ERP44: variants seen among roughly 807,000 people sequenced by gnomAD.
ERP44 encodes the protein endoplasmic reticulum resident protein 44.
ERP44 carries 25 observed loss-of-function variants against 53.4 expected under a neutral mutation model. That is an observed-to-expected ratio of 0.47 (90% confidence interval 0.34 to 0.65). The LOEUF (loss-of-function observed/expected upper bound fraction) is 0.65. Ranked by LOEUF, ERP44 falls within the 30% of genes least tolerant of loss-of-function variation. The probability of loss-of-function intolerance (pLI) is 0.01; values close to 1 mark genes in which losing one functional copy is unlikely to be tolerated. For missense variants in ERP44, 338 were observed against 493.2 expected (o/e 0.69, Z 2.98); for synonymous variants, 145 against 161.2 (o/e 0.90, Z 0.76).
chr9:100,045,256 T>A (rs76765237), intron 4 of ERP44, among the ~76,000 whole-genome samples: 2,318 of 152,308 alleles, frequency 0.015, 47 homozygotes, highest in Non-Finnish European at 0.019. Flanking sequence ...TCACTTTTTT[T>A]AATCATTTCC....
At chr9:100,008,399 C>A (rs1406613) in intron 8 of ERP44, among the ~76,000 whole-genome samples, 101,637 of 151,972 alleles carry the variant, frequency 0.67, 35,045 homozygotes, top group East Asian at 0.91. Context: ...TTGGAGAATA[C>A]TACAATGGGT....
chr9:99,992,221 G>C (rs899834613), intron 10 of ERP44, among the ~76,000 whole-genome samples: 18 of 152,100 alleles, frequency 1.2e-4, no homozygotes, highest in African/African-American at 4.3e-4. Flanking sequence ...CAAAAAAAGA[G>C]AATTTAGACC....
chr9:100,050,711 T>C (rs1826027966), intron 4 of ERP44, among the ~76,000 whole-genome samples: 1 of 152,190 alleles, frequency 6.6e-6, no homozygotes, highest in Admixed American at 6.5e-5. Context: ...GCATAATACC[T>C]CAGATAACTT....
At chr9:100,017,018 T>G (rs1026729912) in intron 7 of ERP44, among the ~76,000 whole-genome samples, 12 of 152,204 alleles carry the variant, frequency 7.9e-5, no homozygotes, top group African/African-American at 2.9e-4. Context: ...ATTTCTTCTT[T>G]TAGAAGAAAA....
In ERP44 at chr9:99,981,624, G is replaced by A. The variant is rs1230433374; in HGVS notation, c.*988C>T. ...ACAGGGACCCATCTTACTGTATGCTGCAGGCCTGGGGAAATCAGGGAATCT... is the reference window on the plus strand; with the variant it reads ...ACAGGGACCCATCTTACTGTATGCTACAGGCCTGGGGAAATCAGGGAATCT... On this transcript the variant is annotated 3_prime_UTR_variant, in exon 12 of 12. Transcript: ENST00000262455. The A allele has an allele frequency of 6.6e-6, 1 of 152,602 alleles. No homozygotes were observed. The highest frequency in any genetic ancestry group is 6.5e-5 in the Admixed American group (1 of 15,268). The allele number at this position is 152,602 out of a possible 1,614,324, so 9.5% of individuals were successfully genotyped here.
Position 99,980,642 on chromosome 9 carries a change from T to C in ERP44, c.*1970A>G, listed in dbSNP as rs1358360136. 6.6e-6 allele frequency: 1 copy of C among 152,208 alleles called. No individual in the cohort carries two copies. Among genetic ancestry groups the C allele is most frequent in the Non-Finnish European group, 1.5e-5 (1 of 68,032 alleles). 9.4% of individuals were successfully genotyped at this position (152,208 alleles called of 1,614,324 possible). The stretch of plus-strand genomic sequence containing the variant: ...TCTCATTCATTAAATAAACGCCTGA[T>C]GGTGACTACTAAGTGTCCAGAAATT... On this transcript the variant is annotated 3_prime_UTR_variant, in exon 12 of 12. Coordinates refer to ENST00000262455, the MANE Select transcript of ERP44 (RefSeq NM_015051.3).
rs74985169 is a variant in ERP44 at position 100,018,773 on chromosome 9, A to G, written c.588-460T>C. Among the ~76,000 whole-genome samples the G allele has an allele frequency of 2.1e-3, 315 of 152,342 alleles. 2 individuals carry two copies. The highest frequency in any genetic ancestry group is 7.2e-3 in the African/African-American group (300 of 41,572). On this transcript the variant is annotated intron_variant, in intron 6 of 11. Transcript: ENST00000262455. ...ATAAACATTTGTAGAGTACTACAACAAATTATTTTTGTAATCAATTTTTAG... is the reference window on the plus strand; with the variant it reads ...ATAAACATTTGTAGAGTACTACAACGAATTATTTTTGTAATCAATTTTTAG...
At chr9:100,000,011 G>T (rs561582183) in intron 10 of ERP44, among the ~76,000 whole-genome samples, 1 of 152,162 alleles carries the variant, frequency 6.6e-6, no homozygotes, top group South Asian at 2.1e-4. Flanking sequence ...AAAATCAATT[G>T]ACCATAACCA....
chr9:100,042,790 T>C (rs1021295760), intron 4 of ERP44, among the ~76,000 whole-genome samples: 2 of 152,048 alleles, frequency 1.3e-5, no homozygotes, highest in African/African-American at 4.8e-5. Flanking sequence ...GGTTACTAGG[T>C]TAAGTGAAAT....
At position 99,981,176 on chromosome 9, in the gene ERP44, A is replaced by G. The variant is rs1830144720; in HGVS notation, c.*1436T>C. On this transcript the variant is annotated 3_prime_UTR_variant, in exon 12 of 12. Coordinates refer to ENST00000262455, the MANE Select transcript of ERP44 (RefSeq NM_015051.3). ...GCTCCATCCTACTTTCTTATTCACA[A>G]TTTGATACAATACATTAAATATACC... The G allele has an allele frequency of 6.6e-6, 1 of 152,220 alleles. No homozygotes were observed. The highest frequency in any genetic ancestry group is 1.5e-5 in the Non-Finnish European group (1 of 68,036). 9.4% of individuals were successfully genotyped at this position (152,220 alleles called of 1,614,324 possible).
At chr9:99,998,092 G>A (rs1830332959) in intron 10 of ERP44, among the ~76,000 whole-genome samples, 1 of 152,196 alleles carries the variant, frequency 6.6e-6, no homozygotes, top group Admixed American at 6.5e-5. Context: ...TAACAGGAAT[G>A]GTTAAAATCC....
rs967098165 is a variant in ERP44, at chr9:99,980,773, T to C, written c.*1839A>G. ...GCAGGGCTAGAGCCTAAGCCCAATA[T>C]GCATGAATGCTAAGTAATACTTCCT... On this transcript the variant is annotated 3_prime_UTR_variant, in exon 12 of 12. Coordinates refer to ENST00000262455, the MANE Select transcript of ERP44 (RefSeq NM_015051.3). The C allele has an allele frequency of 6.6e-6, 1 of 152,254 alleles. No individual in the cohort carries two copies. Among genetic ancestry groups the C allele is most frequent in the Non-Finnish European group, 1.5e-5 (1 of 68,044 alleles). The allele number at this position is 152,254 out of a possible 1,614,324, so 9.4% of individuals were successfully genotyped here.
chr9:100,080,204 C>T (rs1010678762), intron 1 of ERP44, among the ~76,000 whole-genome samples: 46 of 152,230 alleles, frequency 3.0e-4, no homozygotes, highest in Non-Finnish European at 3.4e-4. Context: ...ACAGCATCCC[C>T]GGCAGAATGG....
At position 100,006,215 on chromosome 9, in the gene ERP44, C is replaced by CA. The variant is rs541717966; in HGVS notation, c.1016+290dup. ...AATGAAGAGCTAATTTCTCACAAGA[C>CA]AAAAATTTTCTTTGAGAGATTGATT... On this transcript the variant is annotated intron_variant, in intron 10 of 11. Coordinates refer to ENST00000262455, the MANE Select transcript of ERP44 (RefSeq NM_015051.3). 5.3e-3 allele frequency among the ~76,000 whole-genome samples: 801 copies of CA among 152,286 alleles called. 8 individuals carry two copies. Among genetic ancestry groups the CA allele is most frequent in the African/African-American group, 0.018 (730 of 41,570 alleles).
At chr9:99,998,851 T>C (rs1830344149) in intron 10 of ERP44, 1 of 1,326,378 alleles carries the variant, frequency 7.5e-7, no homozygotes, top group African/African-American at 1.5e-5. Context: ...CCAAAATAGG[T>C]GTAGTTCTTC....
chr9:100,006,047 G>A (rs1018098515), intron 10 of ERP44, among the ~76,000 whole-genome samples: 30 of 152,126 alleles, frequency 2.0e-4, no homozygotes, highest in Non-Finnish European at 3.8e-4. Context: ...CATTAGAAAC[G>A]CCTAGTAATA....
At chr9:99,989,659 C>T (rs919233002) in intron 10 of ERP44, among the ~76,000 whole-genome samples, 1 of 152,122 alleles carries the variant, frequency 6.6e-6, no homozygotes, top group Non-Finnish European at 1.5e-5. Context: ...CACAGCTCCT[C>T]GCCAGCAATG....
At chr9:99,990,062 T>C (rs1442890070) in intron 10 of ERP44, among the ~76,000 whole-genome samples, 1 of 152,114 alleles carries the variant, frequency 6.6e-6, no homozygotes, top group Non-Finnish European at 1.5e-5. Context: ...CTGAAAGTGA[T>C]GGGGAGAATG....
intron 1 of ERP44, among the ~76,000 whole-genome samples, 153 bp downstream of exon 1, chr9:100,098,631 G>C (rs1302292054): frequency 6.6e-6 from 1 of 152,192 alleles, no homozygotes; most frequent in Non-Finnish European, 1.5e-5. Flanking sequence ...CCTGGAAGCC[G>C]ACAGGCGAGA....
Sources: allele counts gnomAD v4.1 joint callset (sites outside exome capture counted in the v4.1 genomes callset), GRCh38; gene constraint gnomAD v4.1.1; transcripts MANE v1.5; gene names NCBI Gene and HGNC (gene_info 2026-07-23, HGNC 2026-07-21).